The following MUSK variants were observed in gnomAD, a reference collection of about 807,000 sequenced individuals.
The protein encoded by MUSK is muscle associated receptor tyrosine kinase, also known as muscle, skeletal receptor tyrosine-protein kinase.
In MUSK, 55 loss-of-function variants were observed where a neutral mutation model predicts 88.7. That is an observed-to-expected ratio of 0.62 (90% CI 0.50 to 0.78). The LOEUF (loss-of-function observed/expected upper bound fraction) is 0.78, where lower values mean the gene tolerates loss of function less well. Ranked by LOEUF, MUSK falls within the 30% of genes least tolerant of loss-of-function variation. MUSK has a pLI of 0.00. For synonymous variants in MUSK, 387 were observed against 391.9 expected (o/e 0.99, Z 0.15); for missense variants, 1,015 against 1,074.3 (o/e 0.94, Z 0.77).
At chr9:110,748,753 T>G (rs1391407092) in intron 7 of MUSK, among the ~76,000 whole-genome samples, 6 of 152,176 alleles carry the variant, frequency 3.9e-5, no homozygotes, top group Non-Finnish European at 8.8e-5. Flanking sequence ...GATGGGGAAC[T>G]TTCCAGTAAT....
chr9:110,678,957 T>C (rs1301282279), intron 1 of MUSK, among the ~76,000 whole-genome samples: 1 of 152,148 alleles, frequency 6.6e-6, no homozygotes, highest in African/African-American at 2.4e-5. Context: ...TTAGAAAATA[T>C]AGACTATATA....
intron 3 of MUSK, among the ~76,000 whole-genome samples, chr9:110,693,740 T>G (rs1288226706): frequency 6.6e-6 from 1 of 152,200 alleles, no homozygotes; most frequent in Non-Finnish European, 1.5e-5. Context: ...ATTTTTGCTT[T>G]AAGCAAAGGT....
chr9:110,672,301 G>T (rs1488426775), intron 1 of MUSK, among the ~76,000 whole-genome samples: 1 of 152,196 alleles, frequency 6.6e-6, no homozygotes, highest in Non-Finnish European at 1.5e-5. Flanking sequence ...GGTGGAAAGA[G>T]GGCCTGAAAG....
chr9:110,687,000 G>C, intron 2 of MUSK, 117 bp from the exon 3 acceptor site: 1 of 962,798 alleles, frequency 1.0e-6, no homozygotes, highest in Non-Finnish European at 1.6e-6. Flanking sequence ...AGTCACTCAA[G>C]TTTCCTCTCA....
At position 110,804,639 on chromosome 9, in the gene MUSK, A is replaced by G. The variant is rs1294259365; in HGVS notation, c.*3651A>G. 3.9e-5 allele frequency among the ~76,000 whole-genome samples: 6 copies of G among 151,966 alleles called. No individual in the cohort carries two copies. Among genetic ancestry groups the G allele is most frequent in the Non-Finnish European group, 8.8e-5 (6 of 67,900 alleles). On this transcript the variant is annotated 3_prime_UTR_variant, in exon 15 of 15. Coordinates refer to ENST00000374448, the MANE Select transcript of MUSK (RefSeq NM_005592.4). ...AAAAAGCCTATTAAGCCTTTTTCAT[A>G]CTTTACACAAGAGATCACATCTACT...
intron 11 of MUSK, among the ~76,000 whole-genome samples, chr9:110,780,419 T>C (rs1369103777): frequency 1.3e-5 from 2 of 152,168 alleles, no homozygotes; most frequent in African/African-American, 4.8e-5. Context: ...CAATATTGAG[T>C]CTTACCTAGC....
intron 5 of MUSK, among the ~76,000 whole-genome samples, chr9:110,710,116 T>C (rs2076649297): frequency 6.6e-6 from 1 of 152,242 alleles, no homozygotes; most frequent in Non-Finnish European, 1.5e-5. Context: ...TTGAGTGTCT[T>C]ATTCCTAGTC....
chr9:110,738,027 T>C (rs1442772806), intron 6 of MUSK, among the ~76,000 whole-genome samples: 1 of 152,150 alleles, frequency 6.6e-6, no homozygotes, highest in Admixed American at 6.6e-5. Flanking sequence ...AGTTGGCTCC[T>C]GCTTACAGCC....
rs373654842 is a variant in MUSK at position 110,766,113 on chromosome 9, G to C, written c.921-1707G>C. On this transcript the variant is annotated intron_variant, in intron 8 of 14. Transcript: ENST00000374448. ...GGCCAGGTGTTACACAGAAAAGCTG[G>C]GGGTGGGTAGAGTAAATGTTTAGGT... 1.1e-4 allele frequency among the ~76,000 whole-genome samples: 17 copies of C among 152,186 alleles called. No homozygotes were observed. In the South Asian group the frequency reaches 3.3e-3, roughly 30 times the overall value.
intron 5 of MUSK, among the ~76,000 whole-genome samples, chr9:110,704,074 T>G (rs2076564948): frequency 6.6e-6 from 1 of 152,210 alleles, no homozygotes; most frequent in African/African-American, 2.4e-5. Flanking sequence ...CAATTTGGTA[T>G]AGCCGCATGA....
At chr9:110,735,805 A>G (rs574739520) in intron 6 of MUSK, among the ~76,000 whole-genome samples, 1 of 152,218 alleles carries the variant, frequency 6.6e-6, no homozygotes, top group African/African-American at 2.4e-5. Flanking sequence ...GCAAAGTGGG[A>G]GCAAGACATC....
rs375737188 is a variant in MUSK, at chr9:110,695,418, G to T, written c.374G>T (p.Arg125Leu). 58 of 1,514,038 alleles carry T rather than the reference G, an allele frequency of 3.8e-5. No homozygotes were observed. Among genetic ancestry groups the T allele is most frequent in the Non-Finnish European group, 3.5e-5 (39 of 1,117,718 alleles). The allele number at this position is 1,514,038 out of a possible 1,614,324, so 93.8% of individuals were successfully genotyped here. A position where few individuals can be genotyped will look rare whatever the true frequency, so the allele number is the denominator to read the frequency against. ...LQVKMKPKITRPPINVKIIEG... is the reference protein window; with the variant it reads ...LQVKMKPKITLPPINVKIIEG... The stretch of plus-strand genomic sequence containing the variant: ...TTCTTTTTAGAACCTAAAATAACTC[G>T]TCCTCCCATAAATGTGAAAATAATA... The change falls in exon 4 of 15, where the codon CGT (arginine) becomes CTT (leucine). Residue 125 changes from arginine to leucine, a missense_variant. Physicochemically the swap from Arg to Leu is moderately radical, Grantham distance 102 (BLOSUM62 -2). Transcript: ENST00000374448.
At chr9:110,790,876 C>G (rs1453127176) in intron 14 of MUSK, among the ~76,000 whole-genome samples, 1 of 152,128 alleles carries the variant, frequency 6.6e-6, no homozygotes. Flanking sequence ...CCAAATGCTG[C>G]CAGCTGGGCA....
At chr9:110,723,226 C>CATAT (rs1451548468) in intron 5 of MUSK, among the ~76,000 whole-genome samples, 24 of 115,518 alleles carry the variant, frequency 2.1e-4, no homozygotes, top group African/African-American at 7.8e-4. Flanking sequence ...AATACTACTA[C>CATAT]ATATACATAC....
chr9:110,799,756 T>C (rs2078063337), intron 14 of MUSK, among the ~76,000 whole-genome samples: 1 of 152,130 alleles, frequency 6.6e-6, no homozygotes, highest in Non-Finnish European at 1.5e-5. Context: ...CAAATGATTA[T>C]AAAATAGGAT....
At chr9:110,679,020 C>T (rs539175009) in intron 1 of MUSK, among the ~76,000 whole-genome samples, 5 of 151,910 alleles carry the variant, frequency 3.3e-5, no homozygotes, top group African/African-American at 1.2e-4. Context: ...GGTATATTTT[C>T]TTTATGTTTG....
At chr9:110,686,473 C>G (rs1489116051) in intron 2 of MUSK, among the ~76,000 whole-genome samples, 1 of 152,138 alleles carries the variant, frequency 6.6e-6, no homozygotes, top group Admixed American at 6.6e-5. Context: ...AAAAGAAACT[C>G]TCTTTTATAT....
intron 3 of MUSK, among the ~76,000 whole-genome samples, chr9:110,690,371 A>AAT (rs1301842498): frequency 6.4e-5 from 7 of 108,686 alleles, no homozygotes; most frequent in African/African-American, 2.7e-4. Context: ...TATATACATA[A>AAT]ATATATATAT....
At position 110,719,806 on chromosome 9, in the gene MUSK, A is replaced by G. The variant is rs572133389; in HGVS notation, c.629-14445A>G. Among the ~76,000 whole-genome samples the G allele has an allele frequency of 1.5e-3, 221 of 152,250 alleles. 1 individual carries two copies. Among genetic ancestry groups the G allele is most frequent in the Non-Finnish European group, 2.5e-3 (167 of 67,998 alleles). ...GAATATACATTGTAATCATCAGCAC[A>G]TGGAACATTCTCCAAGACAGACCAT... On this transcript the variant is annotated intron_variant, in intron 5 of 14. Coordinates refer to ENST00000374448, the MANE Select transcript of MUSK (RefSeq NM_005592.4).
Sources: gnomAD v4.1 joint callset for allele counts (sites outside exome capture counted in the v4.1 genomes callset) on GRCh38, gnomAD v4.1.1 for gene constraint, MANE v1.5 for transcripts, NCBI Gene and HGNC (gene_info 2026-07-23, HGNC 2026-07-21) for gene names.